RAB11FIP3: variants seen among roughly 807,000 people sequenced by gnomAD.
The protein encoded by RAB11FIP3 is rab11 family-interacting protein 3.
In RAB11FIP3, 17 loss-of-function variants were observed where a neutral mutation model predicts 77.8. The ratio of observed to expected loss-of-function variants is 0.22; its 90% confidence interval spans 0.15 to 0.33. RAB11FIP3 has a LOEUF of 0.33. RAB11FIP3 is among the 10% of genes least tolerant of loss of function. RAB11FIP3 has a pLI of 1.00. For synonymous variants in RAB11FIP3, 437 were observed against 448.2 expected, an observed-to-expected ratio of 0.98 and a Z score of 0.31; for missense variants, 1,005 against 1,011.2, an observed-to-expected ratio of 0.99 and a Z score of 0.08.
At chr16:510,099 G>A (rs139709823) in intron 8 of RAB11FIP3, among the ~76,000 whole-genome samples, 10,366 of 141,424 alleles carry the variant, frequency 0.073, 346 homozygotes, top group African/African-American at 0.12. Flanking sequence ...TCCACGCCCC[G>A]TCCCGAGTCC....
chr16:441,663 C>G (rs986201039), intron 1 of RAB11FIP3, among the ~76,000 whole-genome samples: 13 of 152,204 alleles, frequency 8.5e-5, no homozygotes, highest in Non-Finnish European at 1.9e-4. Context: ...GGCTGGAGCC[C>G]TCTGCCCCAT....
At chr16:436,042 G>T (rs2055121168) in intron 1 of RAB11FIP3, among the ~76,000 whole-genome samples, 1 of 152,304 alleles carries the variant, frequency 6.6e-6, no homozygotes, top group Admixed American at 6.5e-5. Flanking sequence ...CAGGCACGGT[G>T]ACTCACACCT....
At chr16:500,242 C>A (rs1267434316) in intron 6 of RAB11FIP3, among the ~76,000 whole-genome samples, 2 of 152,218 alleles carry the variant, frequency 1.3e-5, no homozygotes, top group Non-Finnish European at 2.9e-5. Flanking sequence ...CCTCAGGGAT[C>A]CCCGTACCTC....
chr16:503,038 G>T lies in RAB11FIP3; in HGVS notation c.1336G>T (p.Ala446Ser), dbSNP rs530345090. ...CCAGTCAGGGGCCCTGACCATGGAGGCCCTGGAGGACCCTTCCCCCGAGCT... is the reference window on the plus strand; with the variant it reads ...CCAGTCAGGGGCCCTGACCATGGAGTCCCTGGAGGACCCTTCCCCCGAGCT... ...LHQSGALTMEALEDPSPELME... is the reference protein window; with the variant it reads ...LHQSGALTMESLEDPSPELME... Residue 446 changes from alanine (A) to serine (S), a missense_variant, in exon 7 of 14, where the codon GCC becomes TCC. By Grantham distance (99) the Ala-to-Ser change is moderately conservative. Around this residue, in one of 4 missense-constraint regions of RAB11FIP3, gnomAD observed 433 missense variants for 436.1 expected, o/e 0.99. Transcript: ENST00000262305. 6 of 1,613,112 alleles carry T rather than the reference G, an allele frequency of 3.7e-6. No individual in the cohort carries two copies. The highest frequency in any genetic ancestry group is 1.7e-4 in the Middle Eastern group (1 of 6,054).
At chr16:464,726 G>A (rs547875587) in intron 2 of RAB11FIP3, among the ~76,000 whole-genome samples, 2 of 152,152 alleles carry the variant, frequency 1.3e-5, no homozygotes, top group Non-Finnish European at 2.9e-5. Flanking sequence ...TGAGACCTTG[G>A]CTGTGCAAAA....
chr16:504,159 T>C (rs116023623), intron 7 of RAB11FIP3, among the ~76,000 whole-genome samples: 369 of 8,420 alleles, frequency 0.044, no homozygotes, highest in Middle Eastern at 0.083. Flanking sequence ...TCACCTCCTC[T>C]TGCACTCCCA....
At chr16:459,405 C>T (rs1403710127) in intron 1 of RAB11FIP3, among the ~76,000 whole-genome samples, 4 of 147,482 alleles carry the variant, frequency 2.7e-5, no homozygotes, top group East Asian at 2.0e-4. Context: ...GGATTATAGG[C>T]GTGAACCACC....
chr16:452,944 T>C (rs1192083977), intron 1 of RAB11FIP3, among the ~76,000 whole-genome samples: 28 of 55,244 alleles, frequency 5.1e-4, no homozygotes, highest in East Asian at 1.5e-3. Flanking sequence ...TTAGTAGAGA[T>C]GGGGTTTCAC....
In RAB11FIP3 at chr16:505,290, T is replaced by C. The variant is rs1420414027; in HGVS notation, c.1396-234T>C. ...CCCCTGGGCCCCGAGCCCTCAGAGC[T>C]GCGGCACTGTGTGCATTTGTGGGTC... On this transcript the variant is annotated intron_variant, in intron 7 of 13. Coordinates refer to ENST00000262305, the MANE Select transcript of RAB11FIP3 (RefSeq NM_014700.4). This position sits in a 1 kb window ranked among gnomAD's most constrained non-coding sequence, Gnocchi z 4.0. Among the ~76,000 whole-genome samples, 1 of 152,084 alleles carries C rather than the reference T, an allele frequency of 6.6e-6. No individual in the cohort carries two copies. Among genetic ancestry groups the C allele is most frequent in the Non-Finnish European group, 1.5e-5 (1 of 68,026 alleles).
chr16:450,547 G>C (rs2055390278), intron 1 of RAB11FIP3, among the ~76,000 whole-genome samples: 1 of 152,152 alleles, frequency 6.6e-6, no homozygotes. Flanking sequence ...CTAGGTCTGA[G>C]TCAGGGCTTG....
At chr16:438,903 TGG>T (rs1682652341) in intron 1 of RAB11FIP3, among the ~76,000 whole-genome samples, 1 of 152,200 alleles carries the variant, frequency 6.6e-6, no homozygotes, top group Non-Finnish European at 1.5e-5. Context: ...TTGGCCAGGA[TGG>T]TCTCCATGTC....
intron 1 of RAB11FIP3, among the ~76,000 whole-genome samples, chr16:443,605 G>C (rs549984954): frequency 1.3e-5 from 2 of 152,092 alleles, no homozygotes; most frequent in Admixed American, 1.3e-4. Context: ...TCGCTCTGTC[G>C]CCCAGGCTGG....
chr16:498,363 T>C (rs780015778), intron 6 of RAB11FIP3, among the ~76,000 whole-genome samples: 23 of 152,128 alleles, frequency 1.5e-4, no homozygotes, highest in Admixed American at 6.6e-5. Context: ...TTAATAGAGA[T>C]GGAGTTTCAC....
rs144713042 is a variant in RAB11FIP3 at position 486,246 on chromosome 16, C to T, written c.1116-2605C>T. On this transcript the variant is annotated intron_variant, in intron 4 of 13. Coordinates refer to ENST00000262305, the MANE Select transcript of RAB11FIP3 (RefSeq NM_014700.4). ...TGGTGGGGCATGCCTGTAATTCCAG[C>T]CCTTTGGGGGGCCGAGGCAGGTGGA... Among the ~76,000 whole-genome samples, 223 of 152,252 alleles carry T rather than the reference C, an allele frequency of 1.5e-3. 1 individual carries two copies. The highest frequency in any genetic ancestry group is 4.2e-3 in the African/African-American group (176 of 41,548).
At chr16:439,867 C>T (rs557779607) in intron 1 of RAB11FIP3, among the ~76,000 whole-genome samples, 131 of 149,368 alleles carry the variant, frequency 8.8e-4, no homozygotes, top group Admixed American at 1.9e-3. Context: ...TTTTTTGAGA[C>T]GGGGTCTCGC....
chr16:507,407 G>A lies in RAB11FIP3; in HGVS notation c.1499+1780G>A, dbSNP rs151162703. Among the ~76,000 whole-genome samples the A allele has an allele frequency of 8.4e-3, 1,272 of 152,112 alleles. 10 individuals are homozygous for A. The highest frequency in any genetic ancestry group is 0.044 in the Middle Eastern group (13 of 294). Reference sequence around the variant, plus strand: ...ATTACAGGCGTGAGCCACCGTGCCCGGCCTAGTTTTTAATTTTTTTATAGA... The same window carrying A: ...ATTACAGGCGTGAGCCACCGTGCCCAGCCTAGTTTTTAATTTTTTTATAGA... On this transcript the variant is annotated intron_variant, in intron 8 of 13. Coordinates refer to ENST00000262305, the MANE Select transcript of RAB11FIP3 (RefSeq NM_014700.4). This position sits in a 1 kb window ranked among gnomAD's most constrained non-coding sequence, Gnocchi z 4.6.
Position 495,454 on chromosome 16 carries a change from C to G in RAB11FIP3, c.1266-1370C>G, listed in dbSNP as rs201145480. 3.9e-4 allele frequency among the ~76,000 whole-genome samples: 59 copies of G among 152,342 alleles called. No homozygotes were observed. The East Asian group carries it at 9.6e-3, about 25-fold the overall frequency. ...GAGGCACCCCTAGAGAACAGCTACC[C>G]GAATGGGGTCGGGGAAGCCCCTGGC... On this transcript the variant is annotated intron_variant, in intron 5 of 13. Transcript: ENST00000262305.
chr16:427,974 A>G (rs895975690), intron 1 of RAB11FIP3, among the ~76,000 whole-genome samples: 2 of 151,924 alleles, frequency 1.3e-5, no homozygotes, highest in African/African-American at 4.8e-5. Context: ...GGTGGCGGGC[A>G]CCTGTACTCC....
rs2031911057 is a variant in RAB11FIP3 at position 507,072 on chromosome 16, C to T, written c.1499+1445C>T. ...CAAGCGACCCGCCTCCCTCAGCCTT[C>T]GATGTAGCTGGGACTACAGGTGTGC... On this transcript the variant is annotated intron_variant, in intron 8 of 13. Transcript: ENST00000262305. This position sits in a 1 kb window ranked among gnomAD's most constrained non-coding sequence, Gnocchi z 4.6. Among the ~76,000 whole-genome samples, 2 of 151,284 alleles carry T rather than the reference C, an allele frequency of 1.3e-5. No individual in the cohort carries two copies. Among genetic ancestry groups the T allele is most frequent in the Admixed American group, 1.3e-4 (2 of 15,224 alleles).
Sources: allele counts gnomAD v4.1 joint callset (sites outside exome capture counted in the v4.1 genomes callset), GRCh38; gene constraint gnomAD v4.1.1; regional missense constraint gnomAD v4.1.1; non-coding constraint Gnocchi (gnomAD v3.1); transcripts MANE v1.5; gene names NCBI Gene and HGNC (gene_info 2026-07-23, HGNC 2026-07-21).